Variants in ASXL3 observed in about 807,000 individuals in gnomAD.
ASXL3 encodes putative Polycomb group protein ASXL3.
ASXL3 carries 34 observed loss-of-function variants against 170.6 expected under a neutral mutation model. The ratio of observed to expected loss-of-function variants is 0.20; its 90% confidence interval spans 0.15 to 0.27. The LOEUF is 0.27. Among genes scored for constraint, ASXL3 ranks in the 10% least tolerant of loss-of-function variants. The pLI is 1.00. For synonymous variants in ASXL3, 1,002 were observed against 989.1 expected (o/e 1.01, Z -0.24); for missense variants, 2,592 against 2,695.3 (o/e 0.96, Z 0.85).
chr18:33,706,013 GTATTTAGATAATTTTGTT>G (rs1232189237), intron 8 of ASXL3, among the ~76,000 whole-genome samples: 19 of 151,100 alleles, frequency 1.3e-4, no homozygotes, highest in Admixed American at 2.6e-4. Flanking sequence ...GTACTCTGTT[GTATTTAGATAATTTTGTT>G]GTGTGTAGCA....
At position 33,661,616 on chromosome 18, in the gene ASXL3, T is replaced by G. The variant is rs1186844832; in HGVS notation, c.356T>G (p.Val119Gly). The G allele has an allele frequency of 6.2e-7, 1 of 1,608,188 alleles. No homozygotes were observed. The highest frequency in any genetic ancestry group is 2.2e-5 in the East Asian group (1 of 44,682). ...TATCATTATCTCTCTCTGTTTCTAGTTTGTTCGAAGCAGGTAACTGATGAA... is the reference window on the plus strand; with the variant it reads ...TATCATTATCTCTCTCTGTTTCTAGGTTGTTCGAAGCAGGTAACTGATGAA... ...EANAHGEENG[V>G]CSKQVTDEAS... The change falls in exon 5 of 12, where the codon GTT becomes GGT. Residue 119 changes from valine (V) to glycine (G), a missense_variant and splice_region_variant. By Grantham distance (109) the Val-to-Gly change is moderately radical (BLOSUM62 -3). Around this residue, in one of 4 missense-constraint regions of ASXL3, gnomAD observed 251 missense variants for 281.9 expected, o/e 0.89. Transcript: ENST00000269197.
chr18:33,739,557 C>T lies in ASXL3; in HGVS notation c.2153C>T (p.Pro718Leu), dbSNP rs770319315. 28 of 1,613,836 alleles carry T rather than the reference C, an allele frequency of 1.7e-5. No individual in the cohort carries two copies. Among genetic ancestry groups the T allele is most frequent in the South Asian group, 1.3e-4 (12 of 91,086 alleles). ...TTACCTTTAACATCAGAAACCTCAC[C>T]GATGTCTGACTTACCTTTAACATCA... ...SNLPLTSETSPMSDLPLTSET... is the reference protein window; with the variant it reads ...SNLPLTSETSLMSDLPLTSET... Residue 718 changes from proline to leucine, a missense_variant, in exon 11 of 12, where the codon CCG becomes CTG. Transcript: ENST00000269197.
At position 33,616,659 on chromosome 18, in the gene ASXL3, C is replaced by T. The variant is rs1599400530; in HGVS notation, c.137+8983C>T. 2.6e-5 allele frequency: 4 copies of T among 152,224 alleles called. No homozygotes were observed. The South Asian group carries it at 6.2e-4, about 24-fold the overall frequency. 9.4% of individuals were successfully genotyped at this position (152,224 alleles called of 1,614,324 possible). A position where few individuals can be genotyped will look rare whatever the true frequency, so the allele number is the denominator to read the frequency against. Reference sequence around the variant, plus strand: ...ACCATAGAGTGGGTGGCTTAAATAACAGAAATTTTTTTCTCACAGTTCTGG... The same window carrying T: ...ACCATAGAGTGGGTGGCTTAAATAATAGAAATTTTTTTCTCACAGTTCTGG... On this transcript the variant is annotated intron_variant, in intron 2 of 11. Coordinates refer to ENST00000269197, the MANE Select transcript of ASXL3 (RefSeq NM_030632.3).
At chr18:33,734,696 AGATTT>A (rs2067515269) in intron 10 of ASXL3, among the ~76,000 whole-genome samples, 2 of 152,180 alleles carry the variant, frequency 1.3e-5, no homozygotes, top group Admixed American at 1.3e-4. Context: ...ATTTCTTAAT[AGATTT>A]GAGTAAAATT....
At chr18:33,740,468 C>A (rs2067644338) in intron 11 of ASXL3, 25 bp downstream of exon 11, 2 of 1,498,080 alleles carry the variant, frequency 1.3e-6, no homozygotes, top group African/African-American at 2.8e-5. Context: ...AAACAAAAGG[C>A]AATTCCGTAG....
Position 33,739,727 on chromosome 18 carries a change from T to C in ASXL3, c.2323T>C (p.Ser775Pro). ...AHQQRKSPSV[S>P]EEPLSPQKDE... ...TCAGCAAAGAAAGTCACCTTCTGTA[T>C]CTGAAGAGCCACTCTCCCCGCAGAA... The change falls in exon 11 of 12, where the codon TCT becomes CCT. Residue 775 changes from serine (S) to proline (P), a missense_variant. This residue lies in a region of ASXL3 where 2,246 missense variants were observed against 2,219.6 expected (regional missense o/e 1.01). Coordinates refer to ENST00000269197, the MANE Select transcript of ASXL3 (RefSeq NM_030632.3). 6.2e-7 allele frequency: 1 copy of C among 1,613,878 alleles called. No individual in the cohort carries two copies. The highest frequency in any genetic ancestry group is 2.2e-5 in the East Asian group (1 of 44,854).
intron 1 of ASXL3, among the ~76,000 whole-genome samples, chr18:33,586,324 TC>T (rs2065033900): frequency 6.6e-6 from 1 of 151,984 alleles, no homozygotes; most frequent in Non-Finnish European, 1.5e-5. Flanking sequence ...TTTGTGACCC[TC>T]CACCCCCACC....
rs1351548677 is a variant in ASXL3, at chr18:33,747,789, A to G, written c.*1194A>G. ...GCATGTTTTGTTTTTTCCCTCAGGT[A>G]TATTCAATACATTCTTCATATTTGG... On this transcript the variant is annotated 3_prime_UTR_variant, in exon 12 of 12. Coordinates refer to ENST00000269197, the MANE Select transcript of ASXL3 (RefSeq NM_030632.3). The G allele has an allele frequency of 6.6e-6, 1 of 152,204 alleles. No individual in the cohort carries two copies. The highest frequency in any genetic ancestry group is 1.5e-5 in the Non-Finnish European group (1 of 68,032). The allele number at this position is 152,204 out of a possible 1,614,324, so 9.4% of individuals were successfully genotyped here.
chr18:33,738,557 T>A lies in ASXL3; in HGVS notation c.1153T>A (p.Ser385Thr). 1.2e-6 allele frequency: 2 copies of A among 1,613,842 alleles called. No homozygotes were observed. Among genetic ancestry groups the A allele is most frequent in the South Asian group, 2.2e-5 (2 of 91,060 alleles). The change falls in exon 11 of 12, where the codon TCT becomes ACT. Residue 385 changes from serine to threonine, a missense_variant. Ser to Thr is a moderately conservative substitution (Grantham distance 58). Coordinates refer to ENST00000269197, the MANE Select transcript of ASXL3 (RefSeq NM_030632.3). ...AAACAACGCTGGAGCTCAAAGTAGT[T>A]CTTCATGTGGGACTTCTGGCCTTCC... is the stretch of plus-strand genomic sequence containing the variant. The part of the protein sequence containing the change: ...GPNNAGAQSS[S>T]SCGTSGLPVS...
intron 4 of ASXL3, among the ~76,000 whole-genome samples, chr18:33,655,948 T>C (rs2066077370): frequency 6.6e-6 from 1 of 152,062 alleles, no homozygotes; most frequent in African/African-American, 2.4e-5. Context: ...CATTGTTCTT[T>C]GAAAACATTT....
chr18:33,676,242 A>AAAAAAAAAAAAAAAAAAAAAAAAAAAAC (rs2066428911), intron 7 of ASXL3, among the ~76,000 whole-genome samples: 1 of 149,984 alleles, frequency 6.7e-6, no homozygotes, highest in Non-Finnish European at 1.5e-5. Flanking sequence ...AAAAAAAAAA[A>AAAAAAAAAAAAAAAAAAAAAAAAAAAAC]AAAAATTATT....
intron 2 of ASXL3, among the ~76,000 whole-genome samples, chr18:33,630,120 C>A (rs1263246800): frequency 6.6e-6 from 1 of 151,920 alleles, no homozygotes; most frequent in East Asian, 1.9e-4. Context: ...AGGCCTACTA[C>A]TGGATTCTTA....
intron 8 of ASXL3, among the ~76,000 whole-genome samples, chr18:33,720,376 T>G (rs915335711): frequency 6.6e-6 from 1 of 152,078 alleles, no homozygotes; most frequent in Non-Finnish European, 1.5e-5. Context: ...TCCCACTACA[T>G]TATAACATAA....
chr18:33,633,910 A>G (rs2065725749), intron 2 of ASXL3, among the ~76,000 whole-genome samples: 1 of 152,050 alleles, frequency 6.6e-6, no homozygotes, highest in South Asian at 2.1e-4. Flanking sequence ...CATTGAAAGA[A>G]TTCTATAGAA....
chr18:33,598,299 A>G (rs1443988145), intron 1 of ASXL3, among the ~76,000 whole-genome samples: 2 of 152,026 alleles, frequency 1.3e-5, no homozygotes, highest in Non-Finnish European at 1.5e-5. Flanking sequence ...TAATATTCTC[A>G]TTTATATTTT....
Position 33,607,586 on chromosome 18 carries a change from T to C in ASXL3, c.55-8T>C. On this transcript the variant is annotated splice_polypyrimidine_tract_variant and splice_region_variant and intron_variant, in intron 1 of 11. Coordinates refer to ENST00000269197, the MANE Select transcript of ASXL3 (RefSeq NM_030632.3). ...CAATAATCTAGGAATCTTATGTTTA[T>C]ATTTTAGGCACTAGAAAAACACCCC... is the stretch of plus-strand genomic sequence containing the variant. 6.4e-7 allele frequency: 1 copy of C among 1,568,946 alleles called. No homozygotes were observed. The highest frequency in any genetic ancestry group is 1.2e-5 in the South Asian group (1 of 85,322).
At position 33,661,743 on chromosome 18, in the gene ASXL3, A is replaced by G; in HGVS notation, c.477+6A>G. On this transcript the variant is annotated splice_donor_region_variant and intron_variant, in intron 5 of 11. Coordinates refer to ENST00000269197, the MANE Select transcript of ASXL3 (RefSeq NM_030632.3). ...CCAAAAAGGCTCTTAAACAGGTAAG[A>G]TAGCTGCCATTTATTCTTTGTCCTT... The G allele has an allele frequency of 6.2e-7, 1 of 1,611,028 alleles. No individual in the cohort carries two copies. Among genetic ancestry groups the G allele is most frequent in the South Asian group, 1.1e-5 (1 of 90,548 alleles).
Position 33,646,439 on chromosome 18 carries a change from C to T in ASXL3, c.355+86C>T, listed in dbSNP as rs571575365. On this transcript the variant is annotated intron_variant, in intron 4 of 11. Transcript: ENST00000269197. ...AATGATTCATTAATTGAATTTCCCA[C>T]CATTATCAATACAGTTTTCTTCTAA... is the stretch of plus-strand genomic sequence containing the variant. The T allele has an allele frequency of 2.1e-4, 199 of 954,162 alleles. 3 individuals are homozygous for T. In the South Asian group the frequency reaches 3.3e-3, roughly 16 times the overall value. The allele number at this position is 954,162 out of a possible 1,614,324, so 59.1% of individuals were successfully genotyped here.
In ASXL3 at chr18:33,706,350, T is replaced by A. The variant is rs190443275; in HGVS notation, c.879+22782T>A. On this transcript the variant is annotated intron_variant, in intron 8 of 11. Coordinates refer to ENST00000269197, the MANE Select transcript of ASXL3 (RefSeq NM_030632.3). ...ATTTTGGTCCACCTAAATACAAAAT[T>A]TTTTGAGATATATGACTACAAGTCT... Among the ~76,000 whole-genome samples, 93 of 151,898 alleles carry A rather than the reference T, an allele frequency of 6.1e-4. 1 individual carries two copies. Among genetic ancestry groups the A allele is most frequent in the South Asian group, 1.0e-3 (5 of 4,822 alleles).
Sources: allele counts gnomAD v4.1 joint callset (sites outside exome capture counted in the v4.1 genomes callset), GRCh38; gene constraint gnomAD v4.1.1; regional missense constraint gnomAD v4.1.1; transcripts MANE v1.5; gene names NCBI Gene and HGNC (gene_info 2026-07-23, HGNC 2026-07-21).